Variants in TOX observed in about 807,000 individuals in gnomAD.
The protein encoded by TOX is thymocyte selection-associated high mobility group box protein TOX.
A neutral mutation model predicts 53.7 loss-of-function variants in TOX; 11 were observed. The ratio of observed to expected loss-of-function variants is 0.20; its 90% CI spans 0.13 to 0.34. The LOEUF is 0.34. TOX is among the 10% of genes least tolerant of loss of function. The pLI is 1.00. For missense variants in TOX, 570 were observed against 664.6 expected (o/e 0.86, Z 1.56); for synonymous variants, 225 against 245.3 (o/e 0.92, Z 0.77).
At chr8:58,986,592 G>A (rs1438984353) in intron 1 of TOX, among the ~76,000 whole-genome samples, 2 of 152,088 alleles carry the variant, frequency 1.3e-5, no homozygotes, top group Non-Finnish European at 2.9e-5. Context: ...TGTATATCCA[G>A]GGCCTTTTAG....
At chr8:58,818,136 A>G (rs1810211426) in intron 6 of TOX, among the ~76,000 whole-genome samples, 1 of 152,126 alleles carries the variant, frequency 6.6e-6, no homozygotes, top group Non-Finnish European at 1.5e-5. Context: ...TTTTTCATGG[A>G]TAATTAAACA....
chr8:58,907,648 CATGAAGGCACATACA>C (rs1811839609), intron 3 of TOX, among the ~76,000 whole-genome samples: 1 of 152,104 alleles, frequency 6.6e-6, no homozygotes, highest in Admixed American at 6.6e-5. Context: ...TGTTTTCAAG[CATGAAGGCACATACA>C]ATTTTTTAGG....
At position 58,815,687 on chromosome 8, in the gene TOX, G is replaced by C; in HGVS notation, c.1043C>G (p.Pro348Arg). Residue 348 changes from proline to arginine, a missense_variant, in exon 7 of 9, where the codon CCT becomes CGT. By Grantham distance (103) the Pro-to-Arg change is moderately radical. This residue lies in a region of TOX where 239 missense variants were observed against 250.7 expected (regional missense o/e 0.95). Transcript: ENST00000361421. ...SEPVDVKTSQ[P>R]PQLINSKPSV... ...CGGCTTCGAATTGATCAGCTGAGGA[G>C]GTTGAGATGTCTTCACGTCAACAGG... The C allele has an allele frequency of 1.9e-6, 3 of 1,613,690 alleles. No homozygotes were observed. The highest frequency in any genetic ancestry group is 2.5e-6 in the Non-Finnish European group (3 of 1,179,808).
intron 1 of TOX, among the ~76,000 whole-genome samples, chr8:59,025,283 G>T (rs1391358997): frequency 6.6e-6 from 1 of 151,938 alleles, no homozygotes; most frequent in Non-Finnish European, 1.5e-5. Flanking sequence ...TCTGTGTGGG[G>T]GTGTTTTATG....
intron 2 of TOX, among the ~76,000 whole-genome samples, chr8:58,959,275 A>T (rs569920701): frequency 1.1e-4 from 16 of 152,362 alleles, no homozygotes; most frequent in Middle Eastern, 3.4e-3. Context: ...ACCTGGACTT[A>T]AGTATCTAAA....
At chr8:58,872,988 A>G (rs1465026768) in intron 3 of TOX, among the ~76,000 whole-genome samples, 1 of 152,146 alleles carries the variant, frequency 6.6e-6, no homozygotes, top group Non-Finnish European at 1.5e-5. Flanking sequence ...TATTTTCACA[A>G]TATTTTTTTA....
intron 1 of TOX, among the ~76,000 whole-genome samples, chr8:58,963,926 A>G (rs1812845427): frequency 6.6e-6 from 1 of 152,210 alleles, no homozygotes; most frequent in South Asian, 2.1e-4. Flanking sequence ...TTGCTGGATT[A>G]AATATATTAT....
intron 5 of TOX, among the ~76,000 whole-genome samples, chr8:58,829,226 T>C (rs1341661411): frequency 6.6e-6 from 1 of 152,196 alleles, no homozygotes; most frequent in Admixed American, 6.5e-5. Flanking sequence ...GTGTTAACTT[T>C]CCTGAAATTT....
chr8:59,004,710 A>T (rs1813754513), intron 1 of TOX, among the ~76,000 whole-genome samples: 1 of 152,208 alleles, frequency 6.6e-6, no homozygotes, highest in Admixed American at 6.5e-5. Context: ...AAAATCAATC[A>T]CACAGGGGCA....
chr8:58,881,648 T>C, intron 3 of TOX, among the ~76,000 whole-genome samples: 1 of 140,490 alleles, frequency 7.1e-6, no homozygotes, highest in East Asian at 2.1e-4. Context: ...CGCTGGAACT[T>C]GGGAGGCGGA....
intron 1 of TOX, among the ~76,000 whole-genome samples, chr8:59,103,676 C>T (rs1011234814): frequency 6.6e-5 from 10 of 152,166 alleles, no homozygotes; most frequent in African/African-American, 2.4e-4. Context: ...GAAAGCTTTG[C>T]TATGTGGATA....
At chr8:58,809,218 A>G (rs1810038440) in intron 7 of TOX, among the ~76,000 whole-genome samples, 1 of 152,234 alleles carries the variant, frequency 6.6e-6, no homozygotes, top group African/African-American at 2.4e-5. Flanking sequence ...TCCATCCATG[A>G]TTTTTAACCA....
chr8:58,877,807 A>T (rs1811310896), intron 3 of TOX, among the ~76,000 whole-genome samples: 1 of 151,916 alleles, frequency 6.6e-6, no homozygotes, highest in Non-Finnish European at 1.5e-5. Context: ...CCCAGCAACA[A>T]CCTCTGTTTC....
At chr8:58,905,247 T>C (rs1811794061) in intron 3 of TOX, among the ~76,000 whole-genome samples, 1 of 152,178 alleles carries the variant, frequency 6.6e-6, no homozygotes, top group African/African-American at 2.4e-5. Context: ...ATCTATACTA[T>C]ACAAAAGTAG....
At chr8:58,815,250 C>A (rs1810153301) in intron 7 of TOX, 88 bp downstream of exon 7, 1 of 1,487,808 alleles carries the variant, frequency 6.7e-7, no homozygotes, top group African/African-American at 1.4e-5. Context: ...TATCCCCAAT[C>A]CTGTCCTGGA....
At chr8:58,866,185 A>G (rs1489219928) in intron 3 of TOX, among the ~76,000 whole-genome samples, 1 of 152,184 alleles carries the variant, frequency 6.6e-6, no homozygotes, top group Non-Finnish European at 1.5e-5. Context: ...GCCTAAGTCT[A>G]TATACTAACA....
chr8:58,932,818 G>A (rs1812279380), intron 3 of TOX, among the ~76,000 whole-genome samples: 2 of 152,090 alleles, frequency 1.3e-5, no homozygotes, highest in African/African-American at 4.8e-5. Flanking sequence ...TGAAAGCGAT[G>A]GTTGTCAAAA....
intron 1 of TOX, among the ~76,000 whole-genome samples, chr8:59,110,683 C>T (rs1458226955): frequency 2.0e-5 from 3 of 151,996 alleles, no homozygotes; most frequent in South Asian, 2.1e-4. Context: ...CTCATAATAG[C>T]ATCTCTCCTT....
chr8:59,103,391 C>G (rs1351380108), intron 1 of TOX, among the ~76,000 whole-genome samples: 1 of 152,052 alleles, frequency 6.6e-6, no homozygotes, highest in Non-Finnish European at 1.5e-5. Context: ...CTCCTAGGAG[C>G]AAAGAACTAT....
Sources: gnomAD v4.1 joint callset for allele counts (sites outside exome capture counted in the v4.1 genomes callset) on GRCh38, gnomAD v4.1.1 for gene constraint, gnomAD v4.1.1 regional missense constraint, MANE v1.5 for transcripts, NCBI Gene and HGNC (gene_info 2026-07-23, HGNC 2026-07-21) for gene names.